CSMD3: variants seen among roughly 807,000 people sequenced by gnomAD.
CSMD3 encodes the protein CUB and Sushi multiple domains 3.
A neutral mutation model predicts 435.2 loss-of-function variants in CSMD3; 177 were observed. The observed-to-expected ratio is 0.41, with a 90% CI of 0.36 to 0.46. The LOEUF (loss-of-function observed/expected upper bound fraction) is 0.46. CSMD3 is among the 20% of genes least tolerant of loss of function. The pLI is 0.34. For synonymous variants in CSMD3, 1,656 were observed against 1,520.5 expected (o/e 1.09, Z -2.07); for missense variants, 4,265 against 4,504.6 (o/e 0.95, Z 1.52).
rs4876486 is a variant in CSMD3 at position 112,693,164 on chromosome 8, T to G, written c.1973-3114A>C. The stretch of plus-strand genomic sequence containing the variant: ...GATTTCTGCTCCATGAATGCATGTA[T>G]TCCATTGGATGTTTGCAAACTATAA... On this transcript the variant is annotated intron_variant, in intron 13 of 70. Coordinates refer to ENST00000297405, the MANE Select transcript of CSMD3 (RefSeq NM_198123.2). 3.5e-3 allele frequency among the ~76,000 whole-genome samples: 535 copies of G among 152,196 alleles called. 2 individuals carry two copies. Among genetic ancestry groups the G allele is most frequent in the Middle Eastern group, 6.8e-3 (2 of 294 alleles).
intron 32 of CSMD3, among the ~76,000 whole-genome samples, chr8:112,451,486 G>A (rs2130600429): frequency 6.6e-6 from 1 of 151,662 alleles, no homozygotes; most frequent in South Asian, 2.1e-4. Flanking sequence ...CTGATTATAT[G>A]GTCTTTTAAT....
intron 16 of CSMD3, among the ~76,000 whole-genome samples, chr8:112,669,114 C>A (rs1026698615): frequency 6.6e-6 from 1 of 151,808 alleles, no homozygotes; most frequent in African/African-American, 2.4e-5. Context: ...CTCACTGCAA[C>A]CTCTGCCTCC....
chr8:113,305,326 AG>A (rs2093811328), intron 2 of CSMD3, among the ~76,000 whole-genome samples: 3 of 152,218 alleles, frequency 2.0e-5, no homozygotes, highest in African/African-American at 7.2e-5. Context: ...TTTTAAAAAA[AG>A]AGAAAATGAA....
intron 49 of CSMD3, among the ~76,000 whole-genome samples, chr8:112,313,322 T>C (rs1288766833): frequency 6.6e-6 from 1 of 152,184 alleles, no homozygotes; most frequent in Non-Finnish European, 1.5e-5. Flanking sequence ...GGAAGGTTTG[T>C]AAATGATGTG....
At chr8:112,416,209 C>T (rs1278396708) in intron 32 of CSMD3, among the ~76,000 whole-genome samples, 2 of 152,100 alleles carry the variant, frequency 1.3e-5, no homozygotes, top group African/African-American at 2.4e-5. Context: ...AGGGTGGTTT[C>T]CCCATAGCTG....
chr8:112,427,160 T>C (rs1474870706), intron 32 of CSMD3, among the ~76,000 whole-genome samples: 2 of 152,190 alleles, frequency 1.3e-5, no homozygotes, highest in Non-Finnish European at 2.9e-5. Flanking sequence ...CACAGAGTGC[T>C]ACAAGTCAAA....
At chr8:112,722,022 G>A (rs1169188813) in intron 13 of CSMD3, among the ~76,000 whole-genome samples, 1 of 151,800 alleles carries the variant, frequency 6.6e-6, no homozygotes, top group Admixed American at 6.6e-5. Flanking sequence ...ACAATTTGGG[G>A]ACGTAACTTC....
intron 42 of CSMD3, among the ~76,000 whole-genome samples, chr8:112,339,219 T>C (rs1824861917): frequency 6.6e-6 from 1 of 151,946 alleles, no homozygotes; most frequent in Non-Finnish European, 1.5e-5. Flanking sequence ...ACTTTGTAAC[T>C]TCACCTTAGC....
chr8:113,039,480 C>T (rs2087508523), intron 5 of CSMD3, among the ~76,000 whole-genome samples: 1 of 152,138 alleles, frequency 6.6e-6, no homozygotes, highest in Non-Finnish European at 1.5e-5. Flanking sequence ...CCCTTGCATA[C>T]ATATGCACAA....
intron 36 of CSMD3, among the ~76,000 whole-genome samples, chr8:112,386,323 T>C (rs1331794777): frequency 6.6e-6 from 1 of 152,168 alleles, no homozygotes; most frequent in African/African-American, 2.4e-5. Context: ...TAATATAATT[T>C]GCCACTGGGA....
rs2075530166 is a variant in CSMD3 at position 112,666,530 on chromosome 8, AT to A, written c.2678-116del. Reference sequence around the variant, plus strand: ...TCTGCATATCCTTATTAAATAGTTAATACTATTTTTGAAAGCAATGGTACAT... The same window carrying A: ...TCTGCATATCCTTATTAAATAGTTAAACTATTTTTGAAAGCAATGGTACAT... On this transcript the variant is annotated intron_variant, in intron 16 of 70. Coordinates refer to ENST00000297405, the MANE Select transcript of CSMD3 (RefSeq NM_198123.2). 4.6e-6 allele frequency: 4 copies of A among 873,294 alleles called. No individual in the cohort carries two copies. The African/African-American group carries it at 6.8e-5, about 15-fold the overall frequency. 54.1% of individuals were successfully genotyped at this position (873,294 alleles called of 1,614,324 possible). A position where few individuals can be genotyped will look rare whatever the true frequency, so the allele number is the denominator to read the frequency against.
At chr8:113,284,794 G>A (rs893988970) in intron 2 of CSMD3, among the ~76,000 whole-genome samples, 6 of 152,002 alleles carry the variant, frequency 3.9e-5, no homozygotes, top group Non-Finnish European at 8.8e-5. Context: ...TATATTGCTC[G>A]TTACTACATT....
chr8:112,279,282 T>C (rs1280183382), intron 59 of CSMD3, among the ~76,000 whole-genome samples: 1 of 152,164 alleles, frequency 6.6e-6, no homozygotes, highest in Non-Finnish European at 1.5e-5. Flanking sequence ...ATTACAGTTA[T>C]ATGAGGAGAT....
In CSMD3 at chr8:113,331,950, T is replaced by C. The variant is rs911835115; in HGVS notation, c.179-17157A>G. 3.3e-5 allele frequency among the ~76,000 whole-genome samples: 5 copies of C among 151,624 alleles called. 1 individual carries two copies. The highest frequency in any genetic ancestry group is 6.8e-3 in the Middle Eastern group (2 of 294). Reference sequence around the variant, plus strand: ...CCAGAGAAATTAGATAAGAAAAAAATAAATAAAATGCAACCATACAGCAAA... The same window carrying C: ...CCAGAGAAATTAGATAAGAAAAAAACAAATAAAATGCAACCATACAGCAAA... On this transcript the variant is annotated intron_variant, in intron 1 of 70. Transcript: ENST00000297405.
At chr8:113,119,683 T>C (rs1467493500) in intron 4 of CSMD3, among the ~76,000 whole-genome samples, 1 of 152,172 alleles carries the variant, frequency 6.6e-6, no homozygotes, top group Non-Finnish European at 1.5e-5. Context: ...AATTTCTATC[T>C]AAATTTATCT....
At chr8:113,022,949 A>G (rs964078348) in intron 5 of CSMD3, among the ~76,000 whole-genome samples, 1 of 152,014 alleles carries the variant, frequency 6.6e-6, no homozygotes, top group Non-Finnish European at 1.5e-5. Flanking sequence ...TTAAAATCCT[A>G]TATGTTTCTA....
At chr8:112,714,072 A>T (rs2076670654) in intron 13 of CSMD3, among the ~76,000 whole-genome samples, 1 of 152,182 alleles carries the variant, frequency 6.6e-6, no homozygotes, top group Non-Finnish European at 1.5e-5. Context: ...CCACATAATA[A>T]TATTAACCTT....
Position 112,639,638 on chromosome 8 carries a change from C to T in CSMD3, c.3311-727G>A, listed in dbSNP as rs567965535. Among the ~76,000 whole-genome samples, 169 of 152,190 alleles carry T rather than the reference C, an allele frequency of 1.1e-3. 1 individual carries two copies. The highest frequency in any genetic ancestry group is 3.9e-3 in the African/African-American group (161 of 41,548). Reference sequence around the variant, plus strand: ...CTTCTAATAGCACAAACTAATGTTGCTGCTTTGTATATATATTTTGTAGTT... The same window carrying T: ...CTTCTAATAGCACAAACTAATGTTGTTGCTTTGTATATATATTTTGTAGTT... On this transcript the variant is annotated intron_variant, in intron 20 of 70. Coordinates refer to ENST00000297405, the MANE Select transcript of CSMD3 (RefSeq NM_198123.2).
intron 32 of CSMD3, among the ~76,000 whole-genome samples, chr8:112,419,425 A>G (rs1226718943): frequency 6.6e-6 from 1 of 152,214 alleles, no homozygotes; most frequent in Non-Finnish European, 1.5e-5. Context: ...AGGAAATACA[A>G]TATGTTATTA....
Sources: gnomAD v4.1 joint callset for allele counts (sites outside exome capture counted in the v4.1 genomes callset) on GRCh38, gnomAD v4.1.1 for gene constraint, MANE v1.5 for transcripts, NCBI Gene and HGNC (gene_info 2026-07-23, HGNC 2026-07-21) for gene names.